TMTC3: variants seen among roughly 807,000 people sequenced by gnomAD.
TMTC3 encodes protein O-mannosyl-transferase TMTC3.
TMTC3 carries 52 observed loss-of-function variants against 92.2 expected under a neutral mutation model. That is an observed-to-expected ratio of 0.56 (90% CI 0.45 to 0.71). The LOEUF (loss-of-function observed/expected upper bound fraction) is 0.71, where lower values mean the gene tolerates loss of function less well. Ranked by LOEUF, TMTC3 falls within the 30% of genes least tolerant of loss-of-function variation. The pLI is 0.00. For synonymous variants in TMTC3, 339 were observed against 363.3 expected, an observed-to-expected ratio of 0.93 and a Z score of 0.76; for missense variants, 896 against 1,057.1, an observed-to-expected ratio of 0.85 and a Z score of 2.11.
Position 88,153,488 on chromosome 12 carries a change from G to A in TMTC3, c.387G>A (p.Val129=), listed in dbSNP as rs1236103991. 1.2e-6 allele frequency: 2 copies of A among 1,609,934 alleles called. No individual in the cohort carries two copies. The highest frequency in any genetic ancestry group is 1.1e-5 in the South Asian group (1 of 90,856). ...SSVIASLLFA[V]HPIHTEAVTG... is the part of the protein sequence containing the mutation. Reference sequence around the variant, plus strand: ...TGATTGCTTCTTTACTTTTTGCAGTGCACCCAATACACACAGAAGCAGTAA... The same window carrying A: ...TGATTGCTTCTTTACTTTTTGCAGTACACCCAATACACACAGAAGCAGTAA... Residue 129 remains valine (V), a synonymous_variant, in exon 3 of 14, where the codon GTG becomes GTA. Transcript: ENST00000266712.
chr12:88,165,445 A>G (rs1294646828), intron 6 of TMTC3, among the ~76,000 whole-genome samples: 2 of 152,130 alleles, frequency 1.3e-5, no homozygotes, highest in Non-Finnish European at 2.9e-5. Context: ...GAGATTCCGT[A>G]TGAAAATTTT....
intron 10 of TMTC3, among the ~76,000 whole-genome samples, chr12:88,186,083 A>G (rs2041374882): frequency 6.6e-6 from 1 of 152,150 alleles, no homozygotes; most frequent in Non-Finnish European, 1.5e-5. Flanking sequence ...TAAGCCATCA[A>G]TGTGAGAATA....
intron 6 of TMTC3, among the ~76,000 whole-genome samples, chr12:88,164,365 C>T (rs1013160020): frequency 6.6e-6 from 1 of 152,010 alleles, no homozygotes; most frequent in Non-Finnish European, 1.5e-5. Context: ...CAGTATACCA[C>T]TGGGCTCAGC....
At chr12:88,165,803 G>A (rs900902635) in intron 6 of TMTC3, among the ~76,000 whole-genome samples, 1 of 152,086 alleles carries the variant, frequency 6.6e-6, no homozygotes, top group African/African-American at 2.4e-5. Context: ...TCAAAGAAAA[G>A]AGGGAAGGAA....
chr12:88,160,694 C>T lies in TMTC3; in HGVS notation c.640C>T (p.Leu214=), dbSNP rs1323761192. 6.2e-7 allele frequency: 1 copy of T among 1,612,680 alleles called. No homozygotes were observed. Among genetic ancestry groups the T allele is most frequent in the Non-Finnish European group, 8.5e-7 (1 of 1,179,564 alleles). Residue 214 remains leucine (L), a synonymous_variant, in exon 6 of 14, where the codon CTA becomes TTA. Coordinates refer to ENST00000266712, the MANE Select transcript of TMTC3 (RefSeq NM_181783.4). ...TCTTTTTCAGTATACTTTGCCATTA[C>T]TATGTACTACTGCTGGACAGTTTCT... ...FIAQGYTLPL[L]CTTAGQFLRG...
intron 1 of TMTC3, among the ~76,000 whole-genome samples, chr12:88,146,241 C>T (rs1312170980): frequency 6.6e-6 from 1 of 152,116 alleles, no homozygotes; most frequent in Non-Finnish European, 1.5e-5. Context: ...TCATACTATG[C>T]TCCCTTGGGG....
intron 10 of TMTC3, among the ~76,000 whole-genome samples, chr12:88,188,454 C>A (rs2041403172): frequency 6.6e-6 from 1 of 151,920 alleles, no homozygotes; most frequent in South Asian, 2.1e-4. Flanking sequence ...TCTCTGGAAG[C>A]AAGCTTTAGT....
At chr12:88,176,858 T>C (rs553609140) in intron 10 of TMTC3, among the ~76,000 whole-genome samples, 22 of 152,114 alleles carry the variant, frequency 1.4e-4, no homozygotes, top group Non-Finnish European at 2.8e-4. Flanking sequence ...ATAAGCAGTT[T>C]TGGTGGAATG....
chr12:88,160,604 T>C lies in TMTC3; in HGVS notation c.625-75T>C. ...TTATACTTGTATCTAATCTTGCAATTAGAAAGTACTACAGTATTGAAAACA... is the reference window on the plus strand; with the variant it reads ...TTATACTTGTATCTAATCTTGCAATCAGAAAGTACTACAGTATTGAAAACA... On this transcript the variant is annotated intron_variant, in intron 5 of 13. Transcript: ENST00000266712. 3 of 1,278,220 alleles carry C rather than the reference T, an allele frequency of 2.3e-6. No individual in the cohort carries two copies. In the South Asian group the frequency reaches 3.9e-5, roughly 17 times the overall value. 79.2% of individuals were successfully genotyped at this position (1,278,220 alleles called of 1,614,324 possible).
intron 5 of TMTC3, 33 bp from the exon 6 acceptor site, chr12:88,160,646 T>C (rs375297921): frequency 4.4e-6 from 7 of 1,590,516 alleles, no homozygotes; most frequent in East Asian, 4.5e-5. Context: ...TATGTCGTTA[T>C]TTGTTGCTTA....
Position 88,166,567 on chromosome 12 carries a change from C to A in TMTC3, c.1035C>A (p.Ser345=). 6.2e-7 allele frequency: 1 copy of A among 1,613,070 alleles called. No individual in the cohort carries two copies. The highest frequency in any genetic ancestry group is 8.5e-7 in the Non-Finnish European group (1 of 1,179,646). Residue 345 remains serine (S), a synonymous_variant, in exon 7 of 14, where the codon TCC becomes TCA. Transcript: ENST00000266712. ...VFSIRYSGDS[S]KTVLMALCLM... is the part of the protein sequence containing the mutation. ...GTATCAGATACTCTGGTGATTCCTCCAAGACTGTTTTAATGGTAAGAAACT... is the reference window on the plus strand; with the variant it reads ...GTATCAGATACTCTGGTGATTCCTCAAAGACTGTTTTAATGGTAAGAAACT...
intron 4 of TMTC3, 61 bp from the exon 5 acceptor site, chr12:88,160,053 C>A (rs2041057811): frequency 1.8e-6 from 2 of 1,141,078 alleles, no homozygotes; most frequent in South Asian, 1.5e-5. Flanking sequence ...TTTAAAATAT[C>A]TTTTTTTGAT....
intron 6 of TMTC3, among the ~76,000 whole-genome samples, chr12:88,164,403 C>G (rs961142453): frequency 6.6e-6 from 1 of 151,926 alleles, no homozygotes. Flanking sequence ...GTTTTACTGA[C>G]TAAAAACTCT....
intron 7 of TMTC3, among the ~76,000 whole-genome samples, chr12:88,167,986 A>G (rs1479819055): frequency 6.6e-6 from 1 of 152,208 alleles, no homozygotes; most frequent in Non-Finnish European, 1.5e-5. Flanking sequence ...AAGTTCACTC[A>G]TACTCATAAT....
intron 2 of TMTC3, among the ~76,000 whole-genome samples, chr12:88,150,404 T>C (rs965255694): frequency 4.6e-5 from 7 of 152,172 alleles, no homozygotes; most frequent in Non-Finnish European, 1.0e-4. Context: ...TATTGGGGAT[T>C]ACATTTTGAT....
Position 88,199,653 on chromosome 12 carries a change from C to CT in TMTC3, c.*4005dup, listed in dbSNP as rs2041559581. 1 of 152,162 alleles carries CT rather than the reference C, an allele frequency of 6.6e-6. No homozygotes were observed. Among genetic ancestry groups the CT allele is most frequent in the African/African-American group, 2.4e-5 (1 of 41,462 alleles). 9.4% of individuals were successfully genotyped at this position (152,162 alleles called of 1,614,324 possible). On this transcript the variant is annotated 3_prime_UTR_variant, in exon 14 of 14. Coordinates refer to ENST00000266712, the MANE Select transcript of TMTC3 (RefSeq NM_181783.4). ...CTTAGGATGAAGCTAAAATGCATAACTGAGACACCTTAAAATTGTACTACC... is the reference window on the plus strand; with the variant it reads ...CTTAGGATGAAGCTAAAATGCATAACTTGAGACACCTTAAAATTGTACTACC...
intron 10 of TMTC3, among the ~76,000 whole-genome samples, chr12:88,180,815 A>G (rs2041309840): frequency 6.6e-6 from 1 of 152,228 alleles, no homozygotes; most frequent in Non-Finnish European, 1.5e-5. Flanking sequence ...CATTTGGACC[A>G]CACCATACAT....
chr12:88,154,161 A>G lies in TMTC3; in HGVS notation c.409-127A>G. ...ACAAATTCACCACCTGAGGGCACCC[A>G]AAGAATGTTTAAGAAACAAATGTGC... is the stretch of plus-strand genomic sequence containing the variant. On this transcript the variant is annotated intron_variant, in intron 3 of 13. Coordinates refer to ENST00000266712, the MANE Select transcript of TMTC3 (RefSeq NM_181783.4). The G allele has an allele frequency of 1.1e-5, 7 of 658,908 alleles. No individual in the cohort carries two copies. The South Asian group carries it at 1.4e-4, about 13-fold the overall frequency. 40.8% of individuals were successfully genotyped at this position (658,908 alleles called of 1,614,324 possible).
At chr12:88,155,097 G>C (rs1010307504) in intron 4 of TMTC3, among the ~76,000 whole-genome samples, 1 of 152,072 alleles carries the variant, frequency 6.6e-6, no homozygotes, top group Non-Finnish European at 1.5e-5. Flanking sequence ...AGAGTGTTCT[G>C]GATTTGTAAT....
Sources: gnomAD v4.1 joint callset for allele counts (sites outside exome capture counted in the v4.1 genomes callset) on GRCh38, gnomAD v4.1.1 for gene constraint, MANE v1.5 for transcripts, NCBI Gene and HGNC (gene_info 2026-07-23, HGNC 2026-07-21) for gene names.